Variants in CCND3 observed in about 807,000 individuals in gnomAD.
The protein encoded by CCND3 is cyclin D3.
CCND3 carries 9 observed loss-of-function variants against 28.7 expected under a neutral mutation model. The ratio of observed to expected loss-of-function variants is 0.31; its 90% CI spans 0.19 to 0.55. CCND3 has a LOEUF of 0.55. Ranked by LOEUF, CCND3 falls within the 20% of genes least tolerant of loss-of-function variation. The probability of loss-of-function intolerance (pLI) is 0.93; values close to 1 mark genes in which losing one functional copy is unlikely to be tolerated. For missense variants in CCND3, 315 were observed against 385.8 expected, an observed-to-expected ratio of 0.82 and a Z score of 1.54; for synonymous variants, 164 against 163.9, an observed-to-expected ratio of 1.00 and a Z score of 0.00.
In CCND3 at chr6:41,941,600, G is replaced by C. The variant is rs1254723551; in HGVS notation, c.50C>G (p.Pro17Arg). 6.5e-7 allele frequency: 1 copy of C among 1,533,434 alleles called. No homozygotes were observed. Among genetic ancestry groups the C allele is most frequent in the African/African-American group, 1.4e-5 (1 of 72,384 alleles). 95.0% of individuals were successfully genotyped at this position (1,533,434 alleles called of 1,614,324 possible). A position where few individuals can be genotyped will look rare whatever the true frequency, so the allele number is the denominator to read the frequency against. ...CTGGTCCCCCAGCAGCCGCGGGTCCGGCCCGGCCCGGGGCGCGTGCCGGGT... is the reference window on the plus strand; with the variant it reads ...CTGGTCCCCCAGCAGCCGCGGGTCCCGCCCGGCCCGGGGCGCGTGCCGGGT... The part of the protein sequence containing the change: ...EGTRHAPRAG[P>R]DPRLLGDQRV... Residue 17 changes from proline (P) to arginine (R), a missense_variant, in exon 1 of 5, where the codon CCG (proline) becomes CGG (arginine). Coordinates refer to ENST00000372991, the MANE Select transcript of CCND3 (RefSeq NM_001760.5). This position sits in a 1 kb window ranked among gnomAD's most constrained non-coding sequence, Gnocchi z 6.1.
At chr6:42,033,909 C>G (rs2127437729) in intron 1 of CCND3, among the ~76,000 whole-genome samples, 1 of 152,080 alleles carries the variant, frequency 6.6e-6, no homozygotes, top group South Asian at 2.1e-4. Context: ...AATCCCAGCA[C>G]TTTGGGAGGC....
At chr6:41,962,880 A>G (rs1379532828) in intron 1 of CCND3, among the ~76,000 whole-genome samples, 1 of 152,176 alleles carries the variant, frequency 6.6e-6, no homozygotes, top group East Asian at 1.9e-4. Flanking sequence ...CCTCCCAAGT[A>G]GCTGGGACTA....
intron 1 of CCND3, among the ~76,000 whole-genome samples, chr6:42,044,332 C>T (rs751501126): frequency 3.4e-4 from 52 of 152,200 alleles, no homozygotes; most frequent in Middle Eastern, 3.4e-3. Flanking sequence ...CCTGAAGAAC[C>T]CGGCAACACT....
At chr6:41,972,240 A>AAAAAAG (rs1554162050) in intron 1 of CCND3, among the ~76,000 whole-genome samples, 2,046 of 99,814 alleles carry the variant, frequency 0.02, 38 homozygotes, top group Non-Finnish European at 0.029. Context: ...AAAAAAAAAA[A>AAAAAAG]AAAAGAAAAG....
chr6:41,942,872 C>CTTTTTTTTTTTTTT (rs60884050), upstream of CCND3, among the ~76,000 whole-genome samples: 1 of 82,568 alleles, frequency 1.2e-5, no homozygotes, highest in Non-Finnish European at 2.2e-5. Flanking sequence ...GTTAATTATT[C>CTTTTTTTTTTTTTT]TTTTTTTTTT....
At position 41,935,779 on chromosome 6, in the gene CCND3, G is replaced by T; in HGVS notation, c.*161C>A. The T allele has an allele frequency of 1.5e-6, 1 of 683,880 alleles. No homozygotes were observed. Among genetic ancestry groups the T allele is most frequent in the Non-Finnish European group, 2.5e-6 (1 of 400,816 alleles). The allele number at this position is 683,880 out of a possible 1,614,324, so 42.4% of individuals were successfully genotyped here. On this transcript the variant is annotated 3_prime_UTR_variant, in exon 5 of 5. Coordinates refer to ENST00000372991, the MANE Select transcript of CCND3 (RefSeq NM_001760.5). ...CAGACATGGCTGGCCGGGCCCCTTA[G>T]TGCACACTGCGGGGATGGGTAGGAC...
chr6:41,948,343 GT>G (rs60929545), intron 1 of CCND3, among the ~76,000 whole-genome samples: 67,014 of 144,022 alleles, frequency 0.47, 15,328 homozygotes, highest in East Asian at 0.71. Context: ...GTTTTTTTTT[GT>G]TTTTTTTTTT....
At chr6:42,017,926 G>A (rs575129564) in intron 1 of CCND3, among the ~76,000 whole-genome samples, 4 of 151,928 alleles carry the variant, frequency 2.6e-5, no homozygotes, top group East Asian at 3.9e-4. Flanking sequence ...CGAGGCAGGC[G>A]GATCACGAGG....
At chr6:41,992,716 G>C (rs1762690882) in intron 1 of CCND3, among the ~76,000 whole-genome samples, 1 of 151,952 alleles carries the variant, frequency 6.6e-6, no homozygotes, top group Admixed American at 6.6e-5. Context: ...CAAAGTGCTG[G>C]GATTACAGGT....
intron 1 of CCND3, among the ~76,000 whole-genome samples, chr6:42,041,923 T>G (rs1284002485): frequency 1.4e-4 from 21 of 152,254 alleles, no homozygotes; most frequent in Non-Finnish European, 1.0e-4. Flanking sequence ...TGCTCCGGCT[T>G]CCTTTCCCAG....
At chr6:41,937,108 G>T in intron 3 of CCND3, 127 bp downstream of exon 3, 1 of 1,004,336 alleles carries the variant, frequency 1.0e-6, no homozygotes, top group Non-Finnish European at 1.5e-6. Flanking sequence ...TTGAGACTGG[G>T]GGCTCAGAGG....
chr6:41,968,617 A>C (rs1364874357), intron 1 of CCND3, among the ~76,000 whole-genome samples: 1 of 152,156 alleles, frequency 6.6e-6, no homozygotes, highest in Non-Finnish European at 1.5e-5. Context: ...ATAGGAAAAA[A>C]AGTATTATAG....
intron 1 of CCND3, among the ~76,000 whole-genome samples, chr6:42,013,932 C>T (rs533539952): frequency 8.7e-4 from 132 of 152,020 alleles, no homozygotes; most frequent in African/African-American, 3.1e-3. Context: ...ATTAGCTGGG[C>T]GTGGTGGTGT....
intron 1 of CCND3, among the ~76,000 whole-genome samples, chr6:41,978,915 C>T (rs1043969348): frequency 8.5e-5 from 13 of 152,082 alleles, no homozygotes; most frequent in African/African-American, 3.1e-4. Context: ...GGGTGGCTCA[C>T]GCCTTTAATC....
At chr6:42,045,602 C>A (rs986771101) in intron 1 of CCND3, among the ~76,000 whole-genome samples, 2 of 152,236 alleles carry the variant, frequency 1.3e-5, no homozygotes, top group African/African-American at 4.8e-5. Context: ...TAGCCTTTCT[C>A]AACCTGCACG....
chr6:41,974,281 T>C (rs1762109485), intron 1 of CCND3, among the ~76,000 whole-genome samples: 1 of 152,184 alleles, frequency 6.6e-6, no homozygotes, highest in Admixed American at 6.5e-5. Context: ...CCACGAGTGA[T>C]TTCTAAATAT....
intron 1 of CCND3, among the ~76,000 whole-genome samples, chr6:41,972,120 C>A (rs1460581510): frequency 6.7e-6 from 1 of 148,664 alleles, no homozygotes; most frequent in Non-Finnish European, 1.5e-5. Flanking sequence ...CCCAGCCATG[C>A]GGGAGGCTGA....
At chr6:41,957,120 C>T (rs1404688410) in intron 1 of CCND3, among the ~76,000 whole-genome samples, 3 of 152,178 alleles carry the variant, frequency 2.0e-5, no homozygotes, top group African/African-American at 4.8e-5. Context: ...AAGGAGTTTT[C>T]CTAGGGGTTT....
intron 1 of CCND3, among the ~76,000 whole-genome samples, chr6:42,002,715 G>A (rs1187618623): frequency 6.6e-6 from 1 of 152,052 alleles, no homozygotes; most frequent in Non-Finnish European, 1.5e-5. Flanking sequence ...TTAGCCTGGT[G>A]TGGTGGCGGG....
Sources: gnomAD v4.1 joint callset for allele counts (sites outside exome capture counted in the v4.1 genomes callset) on GRCh38, gnomAD v4.1.1 for gene constraint, Gnocchi (gnomAD v3.1) non-coding constraint, MANE v1.5 for transcripts, NCBI Gene and HGNC (gene_info 2026-07-23, HGNC 2026-07-21) for gene names.